The following RP1 variants were observed in gnomAD, a reference collection of about 807,000 sequenced individuals.
The protein encoded by RP1 is RP1 axonemal microtubule associated.
A neutral mutation model predicts 14.8 loss-of-function variants in RP1; 16 were observed. That is an observed-to-expected ratio of 1.08 (90% CI 0.73 to 1.65). RP1 has a LOEUF of 1.65. RP1 is among the 40% of genes most tolerant of loss of function. The pLI is 0.00. For missense variants in RP1, 2,631 were observed against 2,535.0 expected (o/e 1.04, Z -0.81); for synonymous variants, 876 against 883.6 (o/e 0.99, Z 0.15).
At chr8:54,759,011 G>C in exon 22 of RP1, 2 of 1,535,800 alleles carry the variant, frequency 1.3e-6, no homozygotes, top group Non-Finnish European at 1.7e-6. Flanking sequence ...CACAGTACTG[G>C]TACTGTGAAC....
intron 25 of RP1, among the ~76,000 whole-genome samples, chr8:54,841,348 C>T (rs186422535): frequency 1.6e-3 from 251 of 152,286 alleles, no homozygotes; most frequent in African/African-American, 5.6e-3. Flanking sequence ...TTATACTTAT[C>T]TTGGAGTTGC....
downstream of RP1, among the ~76,000 whole-genome samples, chr8:54,632,415 T>A (rs1017597957): frequency 2.0e-5 from 3 of 152,228 alleles, no homozygotes; most frequent in African/African-American, 7.2e-5. Context: ...CTGTGTAACA[T>A]ACTTCTTCTT....
intron 24 of RP1, among the ~76,000 whole-genome samples, chr8:54,797,397 C>T (rs758162723): frequency 4.6e-5 from 7 of 152,084 alleles, no homozygotes; most frequent in Non-Finnish European, 7.4e-5. Context: ...TGAATTTGTT[C>T]CAACATAATT....
chr8:54,838,048 C>T (rs560316675), intron 25 of RP1, among the ~76,000 whole-genome samples: 22 of 152,298 alleles, frequency 1.4e-4, no homozygotes, highest in Middle Eastern at 3.4e-3. Flanking sequence ...GCCCACGGGC[C>T]GCAAGTTGTT....
At chr8:54,573,401 C>T (rs932068547) in intron 1 of RP1, among the ~76,000 whole-genome samples, 1 of 152,140 alleles carries the variant, frequency 6.6e-6, no homozygotes, top group African/African-American at 2.4e-5. Flanking sequence ...TGTTTAGTCT[C>T]ATTTAATATT....
At chr8:54,749,374 T>C (rs1809304572) in intron 19 of RP1, among the ~76,000 whole-genome samples, 1 of 151,458 alleles carries the variant, frequency 6.6e-6, no homozygotes, top group South Asian at 2.1e-4. Context: ...CAAATATAGA[T>C]GGTGGCAATT....
Position 54,630,164 on chromosome 8 carries a change from T to C in RP1, c.6282T>C (p.His2094=). 6 of 1,613,782 alleles carry C rather than the reference T, an allele frequency of 3.7e-6. No individual in the cohort carries two copies. The highest frequency in any genetic ancestry group is 5.1e-6 in the Non-Finnish European group (6 of 1,179,944). ...NQVVRENINC[H]YFFEMLGQAC... Reference sequence around the variant, plus strand: ...TAGTAAGAGAAAATATCAACTGTCATTACTTCTTTGAAATGCTTGGTCAAG... The same window carrying C: ...TAGTAAGAGAAAATATCAACTGTCACTACTTCTTTGAAATGCTTGGTCAAG... The change falls in exon 4 of 4, where the codon CAT becomes CAC. Residue 2094 remains histidine (H), a synonymous_variant. Transcript: ENST00000220676.
At chr8:54,612,709 C>T (rs753998857), upstream of RP1, among the ~76,000 whole-genome samples, 42 of 152,312 alleles carry the variant, frequency 2.8e-4, no homozygotes, top group Admixed American at 3.9e-4. Flanking sequence ...TATTTACCAA[C>T]GGCTACAGAC....
At chr8:54,674,559 A>C (rs1807252458) in intron 8 of RP1, among the ~76,000 whole-genome samples, 1 of 151,736 alleles carries the variant, frequency 6.6e-6, no homozygotes, top group Non-Finnish European at 1.5e-5. Context: ...AAACAAGGTG[A>C]TAAACTTTCT....
intron 24 of RP1, among the ~76,000 whole-genome samples, chr8:54,812,316 T>C (rs1053495796): frequency 6.6e-6 from 1 of 152,186 alleles, no homozygotes; most frequent in African/African-American, 2.4e-5. Context: ...GATTTTTGTA[T>C]TTTTAATAGA....
rs1806113652 is a variant in RP1, at chr8:54,627,810, T to G, written c.3928T>G (p.Phe1310Val). The change falls in exon 4 of 4, where the codon TTT becomes GTT. Residue 1310 changes from phenylalanine to valine, a missense_variant. Physicochemically the swap from Phe to Val is conservative, Grantham distance 50. Coordinates refer to ENST00000220676, the MANE Select transcript of RP1 (RefSeq NM_006269.2). The stretch of plus-strand genomic sequence containing the variant: ...GGTCTGTTCACTTACTGATACTGTG[T>G]TTTCTGATAAGGCTTGTGCTCAAAA... ...GEVCSLTDTV[F>V]SDKACAQKEN... 6.2e-7 allele frequency: 1 copy of G among 1,614,044 alleles called. No homozygotes were observed. The highest frequency in any genetic ancestry group is 1.1e-5 in the South Asian group (1 of 91,088).
At chr8:54,698,668 G>A (rs964524838) in intron 12 of RP1, among the ~76,000 whole-genome samples, 1 of 152,128 alleles carries the variant, frequency 6.6e-6, no homozygotes, top group Non-Finnish European at 1.5e-5. Context: ...ACTGGATAAA[G>A]AAAATGTGGC....
At chr8:54,721,946 T>C (rs903504423) in intron 16 of RP1, among the ~76,000 whole-genome samples, 8 of 152,134 alleles carry the variant, frequency 5.3e-5, no homozygotes, top group Admixed American at 4.6e-4. Flanking sequence ...AGAATGTTTA[T>C]GTAAAAGTTT....
At chr8:54,660,994 A>T (rs2129328866) in intron 6 of RP1, among the ~76,000 whole-genome samples, 1 of 151,908 alleles carries the variant, frequency 6.6e-6, no homozygotes, top group African/African-American at 2.4e-5. Context: ...TTTTTAAAAA[A>T]GGAAAAATGA....
chr8:54,841,697 A>G (rs569039940), intron 25 of RP1, among the ~76,000 whole-genome samples: 3 of 152,250 alleles, frequency 2.0e-5, no homozygotes, highest in Admixed American at 1.3e-4. Context: ...CCCGGAGGAG[A>G]TGCCGATTGC....
chr8:54,735,884 T>C (rs1330184431), intron 18 of RP1, among the ~76,000 whole-genome samples: 1 of 152,184 alleles, frequency 6.6e-6, no homozygotes, highest in Non-Finnish European at 1.5e-5. Flanking sequence ...CCTATCAATG[T>C]TTTTCTGAAA....
intron 12 of RP1, among the ~76,000 whole-genome samples, chr8:54,691,630 C>T (rs1445273917): frequency 2.6e-5 from 4 of 151,926 alleles, no homozygotes; most frequent in East Asian, 3.9e-4. Flanking sequence ...GGCATGAGAA[C>T]GGTAGTCATT....
chr8:54,639,872 G>A (rs1367074842), intron 3 of RP1, among the ~76,000 whole-genome samples: 6 of 152,094 alleles, frequency 3.9e-5, no homozygotes, highest in Admixed American at 6.6e-5. Flanking sequence ...TGTCTTGCAC[G>A]CATTTTCTCC....
intron 7 of RP1, among the ~76,000 whole-genome samples, chr8:54,664,483 G>A (rs1563341526): frequency 6.6e-6 from 1 of 152,114 alleles, no homozygotes; most frequent in Non-Finnish European, 1.5e-5. Context: ...GTTTTGCATA[G>A]CAGTTGTACC....
Sources: gnomAD v4.1 joint callset for allele counts (sites outside exome capture counted in the v4.1 genomes callset) on GRCh38, gnomAD v4.1.1 for gene constraint, MANE v1.5 for transcripts, NCBI Gene and HGNC (gene_info 2026-07-23, HGNC 2026-07-21) for gene names.